Variants in SWT1 observed in about 807,000 individuals in gnomAD.
The protein encoded by SWT1 is transcriptional protein SWT1.
In SWT1, 33 loss-of-function variants were observed where a neutral mutation model predicts 107.3. The observed-to-expected ratio is 0.31, with a 90% CI of 0.23 to 0.41. The LOEUF (loss-of-function observed/expected upper bound fraction) is 0.41, where lower values mean the gene tolerates loss of function less well. SWT1 is among the 10% of genes least tolerant of loss of function. The probability of loss-of-function intolerance (pLI) is 1.00; values close to 1 mark genes in which losing one functional copy is unlikely to be tolerated. For synonymous variants in SWT1, 345 were observed against 348.3 expected (o/e 0.99, Z 0.11); for missense variants, 898 against 1,028.9 (o/e 0.87, Z 1.74).
intron 5 of SWT1, among the ~76,000 whole-genome samples, 170 bp downstream of exon 5, chr1:185,175,283 G>A (rs1655449366): frequency 6.6e-6 from 1 of 151,412 alleles, no homozygotes; most frequent in African/African-American, 2.4e-5. Flanking sequence ...AGTGCATGCA[G>A]TGGCACGATC....
At chr1:185,184,683 A>G (rs1199177528) in intron 8 of SWT1, 60 bp from the exon 9 acceptor site, 6 of 1,367,776 alleles carry the variant, frequency 4.4e-6, no homozygotes, top group Non-Finnish European at 6.1e-6. Flanking sequence ...TTGGACAGCA[A>G]TTCCATTTAG....
chr1:185,221,221 C>G (rs1659635130), intron 14 of SWT1, among the ~76,000 whole-genome samples: 2 of 152,168 alleles, frequency 1.3e-5, no homozygotes, highest in Admixed American at 6.5e-5. Context: ...TTCTTGCATG[C>G]ATTTTATTTT....
rs568620382 is a variant in SWT1 at position 185,275,154 on chromosome 1, T to G, written c.2509-1450T>G. On this transcript the variant is annotated intron_variant, in intron 17 of 18. Coordinates refer to ENST00000367500, the MANE Select transcript of SWT1 (RefSeq NM_017673.7). ...TTCAAATTCAGTTTTTCAGCTGATT[T>G]TTCTCAATAGTTGTAGAAAATGGAT... 3.3e-5 allele frequency among the ~76,000 whole-genome samples: 5 copies of G among 152,258 alleles called. No individual in the cohort carries two copies. In the East Asian group the frequency reaches 9.6e-4, roughly 29 times the overall value.
chr1:185,232,046 C>T (rs1660546265), intron 16 of SWT1, among the ~76,000 whole-genome samples: 2 of 151,802 alleles, frequency 1.3e-5, no homozygotes, highest in African/African-American at 4.8e-5. Flanking sequence ...TTTTTCATTT[C>T]TCTTGAATGG....
chr1:185,243,400 A>G (rs950312404), intron 16 of SWT1, among the ~76,000 whole-genome samples: 2 of 152,166 alleles, frequency 1.3e-5, no homozygotes, highest in Non-Finnish European at 2.9e-5. Context: ...GTGAGCCACC[A>G]CATCTGGCCT....
intron 1 of SWT1, among the ~76,000 whole-genome samples, chr1:185,158,120 T>G (rs1653792292): frequency 6.6e-6 from 1 of 152,216 alleles, no homozygotes; most frequent in South Asian, 2.1e-4. Flanking sequence ...CTTAGTTAAT[T>G]AAGTTGATAA....
At position 185,206,479 on chromosome 1, in the gene SWT1, A is replaced by G. The variant is rs1461053336; in HGVS notation, c.1834-146A>G. 11 of 469,412 alleles carry G rather than the reference A, an allele frequency of 2.3e-5. No individual in the cohort carries two copies. In the Admixed American group the frequency reaches 2.4e-4, roughly 10 times the overall value. 29.1% of individuals were successfully genotyped at this position (469,412 alleles called of 1,614,324 possible). A position where few individuals can be genotyped will look rare whatever the true frequency, so the allele number is the denominator to read the frequency against. ...GCAATGGAATTAGCATTTTAATGTT[A>G]TGATTGACTTTACATCTTTTAATTT... is the stretch of plus-strand genomic sequence containing the variant. On this transcript the variant is annotated intron_variant, in intron 12 of 18. Transcript: ENST00000367500.
rs1362121082 is a variant in SWT1 at position 185,291,101 on chromosome 1, A to G, written c.*298A>G. On this transcript the variant is annotated 3_prime_UTR_variant, in exon 19 of 19. Coordinates refer to ENST00000367500, the MANE Select transcript of SWT1 (RefSeq NM_017673.7). ...GGAGAGCCGTATTTTTAGTCATCCTAGGGCAGGAGCCACTGTGGCATCTGA... is the reference window on the plus strand; with the variant it reads ...GGAGAGCCGTATTTTTAGTCATCCTGGGGCAGGAGCCACTGTGGCATCTGA... 5.7e-6 allele frequency: 1 copy of G among 176,102 alleles called. No individual in the cohort carries two copies. The highest frequency in any genetic ancestry group is 1.2e-5 in the Non-Finnish European group (1 of 83,428). The allele number at this position is 176,102 out of a possible 1,614,324, so 10.9% of individuals were successfully genotyped here. A position where few individuals can be genotyped will look rare whatever the true frequency, so the allele number is the denominator to read the frequency against.
intron 13 of SWT1, among the ~76,000 whole-genome samples, chr1:185,214,152 C>G (rs1230132330): frequency 6.6e-6 from 1 of 152,212 alleles, no homozygotes; most frequent in East Asian, 1.9e-4. Flanking sequence ...CCACAGTACT[C>G]TTATGTGAAA....
intron 16 of SWT1, among the ~76,000 whole-genome samples, chr1:185,240,166 C>T (rs1661167479): frequency 6.6e-6 from 1 of 151,932 alleles, no homozygotes; most frequent in Middle Eastern, 3.2e-3. Context: ...AGGTGAGAAA[C>T]TTTAACTTGC....
chr1:185,194,509 G>C (rs898437507), intron 10 of SWT1, among the ~76,000 whole-genome samples: 1 of 150,690 alleles, frequency 6.6e-6, no homozygotes, highest in South Asian at 2.1e-4. Flanking sequence ...ATATTATACT[G>C]CTTCACAGGT....
intron 6 of SWT1, among the ~76,000 whole-genome samples, chr1:185,180,653 T>A (rs1655945967): frequency 2.0e-5 from 3 of 152,202 alleles, no homozygotes; most frequent in Non-Finnish European, 4.4e-5. Context: ...TTGTTTCTAG[T>A]AAGGTTATCT....
chr1:185,180,273 A>G (rs1011896382), intron 5 of SWT1, 118 bp from the exon 6 acceptor site: 2 of 761,344 alleles, frequency 2.6e-6, no homozygotes, highest in South Asian at 1.6e-5. Context: ...CCATCCTGCA[A>G]TATACAGGGC....
At chr1:185,184,604 A>G (rs1046679851) in intron 8 of SWT1, 139 bp from the exon 9 acceptor site, 1 of 599,318 alleles carries the variant, frequency 1.7e-6, no homozygotes, top group Admixed American at 3.6e-5. Context: ...CCATTTTATA[A>G]TATATTGTCT....
chr1:185,173,607 G>A (rs1403401637), intron 4 of SWT1, among the ~76,000 whole-genome samples: 3 of 151,744 alleles, frequency 2.0e-5, no homozygotes, highest in Non-Finnish European at 4.4e-5. Context: ...TACTCAGGAG[G>A]CTGAGGCAGG....
chr1:185,228,200 T>TATATATATATATATATATACACAC (rs1235462995), intron 15 of SWT1, among the ~76,000 whole-genome samples: 10 of 144,956 alleles, frequency 6.9e-5, no homozygotes, highest in African/African-American at 2.7e-4. Flanking sequence ...CATATATATA[T>TATATATATATATATATATACACAC]ACTCAGTATG....
chr1:185,251,890 C>A (rs867984107), intron 16 of SWT1, among the ~76,000 whole-genome samples: 2 of 151,980 alleles, frequency 1.3e-5, no homozygotes, highest in African/African-American at 4.8e-5. Flanking sequence ...GTGCGCTGCA[C>A]CCACTAACTC....
chr1:185,280,342 T>G (rs1233911122), intron 18 of SWT1, among the ~76,000 whole-genome samples: 1 of 152,202 alleles, frequency 6.6e-6, no homozygotes, highest in Admixed American at 6.5e-5. Context: ...TACCCAGTTT[T>G]GGGCAGTTCT....
chr1:185,206,712 G>C lies in SWT1; in HGVS notation c.1921G>C (p.Glu641Gln), dbSNP rs775968811. Residue 641 changes from glutamate (E) to glutamine (Q), a missense_variant, in exon 13 of 19, where the codon GAA becomes CAA. By Grantham distance (29) the Glu-to-Gln change is conservative (BLOSUM62 2). Around this residue, in one of 6 missense-constraint regions of SWT1, gnomAD observed 382 missense variants for 460.0 expected, o/e 0.83. Transcript: ENST00000367500. ...HWLAVFGLVMEKNLLLTIESL... is the reference protein window; with the variant it reads ...HWLAVFGLVMQKNLLLTIESL... ...GTTGGCTGTATTTGGATTAGTTATG[G>C]AAAAGAACTTGCTTTTAACTATTGA... 1.2e-6 allele frequency: 2 copies of C among 1,608,448 alleles called. No homozygotes were observed. The highest frequency in any genetic ancestry group is 1.7e-6 in the Non-Finnish European group (2 of 1,176,744).
Sources: gnomAD v4.1 joint callset for allele counts (sites outside exome capture counted in the v4.1 genomes callset) on GRCh38, gnomAD v4.1.1 for gene constraint, gnomAD v4.1.1 regional missense constraint, MANE v1.5 for transcripts, NCBI Gene and HGNC (gene_info 2026-07-23, HGNC 2026-07-21) for gene names.